NPHP4: variants seen among roughly 807,000 people sequenced by gnomAD.
NPHP4 encodes the protein nephrocystin-4.
In NPHP4, 151 loss-of-function variants were observed where a neutral mutation model predicts 155.8. The ratio of observed to expected loss-of-function variants is 0.97; its 90% CI spans 0.85 to 1.11. NPHP4 has a LOEUF of 1.11. NPHP4 is among the 50% of genes least tolerant of loss of function. NPHP4 has a pLI of 0.00. For synonymous variants in NPHP4, 845 were observed against 816.8 expected, an observed-to-expected ratio of 1.03 and a Z score of -0.59; for missense variants, 1,956 against 1,925.7, an observed-to-expected ratio of 1.02 and a Z score of -0.29.
In NPHP4 at chr1:5,880,140, C is replaced by T. The variant is rs1280904954; in HGVS notation, c.2585G>A (p.Ser862Asn). The T allele has an allele frequency of 6.2e-7, 1 of 1,613,752 alleles. No individual in the cohort carries two copies. The highest frequency in any genetic ancestry group is 1.1e-5 in the South Asian group (1 of 91,004). ...NDGASRFSGG[S>N]LLTTGSSRRK... ...CCTTGAGCTTCCAGTCGTGAGGAGGCTGCCTCCAGAGAAGCGGCTGGCTCC... is the reference window on the plus strand; with the variant it reads ...CCTTGAGCTTCCAGTCGTGAGGAGGTTGCCTCCAGAGAAGCGGCTGGCTCC... The change falls in exon 19 of 30, where the codon AGC becomes AAC. Residue 862 changes from serine (S) to asparagine (N), a missense_variant. Ser to Asn is a conservative substitution (Grantham distance 46). Coordinates refer to ENST00000378156, the MANE Select transcript of NPHP4 (RefSeq NM_015102.5).
chr1:5,958,279 C>T (rs1377456227), intron 6 of NPHP4, among the ~76,000 whole-genome samples: 5 of 152,202 alleles, frequency 3.3e-5, no homozygotes, highest in Non-Finnish European at 7.3e-5. Flanking sequence ...GGCACAGTGG[C>T]GCATGTCTGT....
At chr1:5,912,564 A>G (rs1253115613) in intron 11 of NPHP4, among the ~76,000 whole-genome samples, 4 of 151,698 alleles carry the variant, frequency 2.6e-5, no homozygotes, top group Non-Finnish European at 5.9e-5. Flanking sequence ...AAGAAAAAAG[A>G]AAAAAGAAAA....
intron 16 of NPHP4, among the ~76,000 whole-genome samples, chr1:5,897,176 ATAGAAT>A (rs1240713845): frequency 2.0e-5 from 3 of 152,212 alleles, no homozygotes; most frequent in African/African-American, 7.2e-5. Flanking sequence ...AGACCAAATG[ATAGAAT>A]TAGACAAATT....
chr1:5,943,800 G>A (rs1046566056), intron 9 of NPHP4, among the ~76,000 whole-genome samples: 1 of 152,228 alleles, frequency 6.6e-6, no homozygotes, highest in Non-Finnish European at 1.5e-5. Flanking sequence ...AAGGTTAGGT[G>A]TGATGATGGT....
chr1:5,969,661 A>T (rs2102261113), intron 3 of NPHP4, among the ~76,000 whole-genome samples: 1 of 152,336 alleles, frequency 6.6e-6, no homozygotes, highest in Non-Finnish European at 1.5e-5. Context: ...CCATGGTTAG[A>T]TCAGCCCAAG....
At chr1:5,893,423 T>G (rs1644242040) in intron 16 of NPHP4, among the ~76,000 whole-genome samples, 1 of 152,166 alleles carries the variant, frequency 6.6e-6, no homozygotes, top group Non-Finnish European at 1.5e-5. Flanking sequence ...ACGTGTCCAC[T>G]GGACAGGGGG....
At chr1:5,885,441 T>C (rs1219445350) in intron 18 of NPHP4, among the ~76,000 whole-genome samples, 1 of 152,078 alleles carries the variant, frequency 6.6e-6, no homozygotes. Context: ...AAGAAAGCAA[T>C]CTGGTGCTTG....
intron 19 of NPHP4, chr1:5,879,450 T>C (rs944863459): frequency 1.0e-5 from 5 of 481,874 alleles, no homozygotes; most frequent in African/African-American, 1.0e-4. Context: ...CCAAGCTCCA[T>C]AATTGGCTTC....
chr1:5,872,934 C>A (rs561098612), intron 23 of NPHP4, among the ~76,000 whole-genome samples: 1 of 152,316 alleles, frequency 6.6e-6, no homozygotes. Flanking sequence ...GAATGCTCTG[C>A]GTGAGGCTCA....
chr1:5,876,942 G>C, intron 20 of NPHP4, 151 bp downstream of exon 20: 2 of 484,614 alleles, frequency 4.1e-6, no homozygotes, highest in Admixed American at 4.3e-5. Context: ...GATTTCCCCC[G>C]GTGGCTGAAA....
intron 9 of NPHP4, among the ~76,000 whole-genome samples, chr1:5,938,933 T>G (rs1646685378): frequency 6.6e-6 from 1 of 152,172 alleles, no homozygotes. Flanking sequence ...TTTCTAGAAT[T>G]TGACATTTTC....
chr1:5,880,591 G>C (rs369513853), intron 18 of NPHP4: 1 of 317,068 alleles, frequency 3.2e-6, no homozygotes. Context: ...TCGGCCTCTC[G>C]ATGGCCACAT....
intron 5 of NPHP4, among the ~76,000 whole-genome samples, chr1:5,962,710 G>A (rs952283166): frequency 6.6e-6 from 1 of 152,242 alleles, no homozygotes; most frequent in African/African-American, 2.4e-5. Context: ...GGTAAAGCAC[G>A]AGGGGGAACG....
chr1:5,920,331 G>C (rs888488103), intron 11 of NPHP4, among the ~76,000 whole-genome samples: 1 of 152,174 alleles, frequency 6.6e-6, no homozygotes, highest in Non-Finnish European at 1.5e-5. Flanking sequence ...AACATGCTGG[G>C]ATTATAGGCA....
intron 12 of NPHP4, 72 bp from the exon 13 acceptor site, chr1:5,907,294 C>T: frequency 8.4e-6 from 8 of 948,226 alleles, no homozygotes; most frequent in Non-Finnish European, 1.3e-5. Flanking sequence ...CCAACATGCA[C>T]TGGCCACACC....
chr1:5,934,305 G>A (rs952501608), intron 9 of NPHP4, among the ~76,000 whole-genome samples: 1 of 152,204 alleles, frequency 6.6e-6, no homozygotes, highest in Non-Finnish European at 1.5e-5. Flanking sequence ...GCCCCAGTTA[G>A]AGCTCTTTCC....
chr1:5,935,161 T>C (rs544474298), intron 9 of NPHP4, among the ~76,000 whole-genome samples: 1 of 152,372 alleles, frequency 6.6e-6, no homozygotes, highest in South Asian at 2.1e-4. Flanking sequence ...TCCTGCCAGA[T>C]GATATCCCAT....
intron 7 of NPHP4, 130 bp from the exon 8 acceptor site, chr1:5,948,381 G>T: frequency 1.5e-6 from 1 of 668,040 alleles, no homozygotes. Context: ...ATCAGATGAT[G>T]CTTAGTCAAG....
chr1:5,990,834 A>G (rs184346310), intron 1 of NPHP4, among the ~76,000 whole-genome samples: 1 of 152,166 alleles, frequency 6.6e-6, no homozygotes, highest in African/African-American at 2.4e-5. Flanking sequence ...CAGCCTCCCC[A>G]CCTGTTTCCA....
Sources: gnomAD v4.1 joint callset for allele counts (sites outside exome capture counted in the v4.1 genomes callset) on GRCh38, gnomAD v4.1.1 for gene constraint, MANE v1.5 for transcripts, NCBI Gene and HGNC (gene_info 2026-07-23, HGNC 2026-07-21) for gene names.